PRKCH: variants seen among roughly 807,000 people sequenced by gnomAD.
PRKCH encodes the protein protein kinase C eta type.
Under a neutral mutation model 82.5 loss-of-function variants are expected in PRKCH, and 28 were observed. The observed-to-expected ratio is 0.34, with a 90% confidence interval of 0.25 to 0.47. The LOEUF (loss-of-function observed/expected upper bound fraction) is 0.47. Among genes scored for constraint, PRKCH ranks in the 20% least tolerant of loss-of-function variants. PRKCH has a pLI of 1.00. For missense variants in PRKCH, 705 were observed against 881.8 expected (o/e 0.80, Z 2.54); for synonymous variants, 322 against 327.4 (o/e 0.98, Z 0.18).
chr14:61,488,515 A>G (rs1037903161), intron 10 of PRKCH, among the ~76,000 whole-genome samples: 1 of 152,226 alleles, frequency 6.6e-6, no homozygotes, highest in Non-Finnish European at 1.5e-5. Flanking sequence ...AATTCAAACC[A>G]TGGTTCTAAC....
intron 1 of PRKCH, among the ~76,000 whole-genome samples, chr14:61,226,573 G>C (rs7148117): frequency 0.96 from 146,321 of 152,318 alleles, 70,393 homozygotes; most frequent in East Asian, 0.99. Flanking sequence ...GCTCCTTTTG[G>C]TTTCCTTAAT....
chr14:61,350,722 G>A (rs903409590), intron 1 of PRKCH, among the ~76,000 whole-genome samples: 1 of 152,112 alleles, frequency 6.6e-6, no homozygotes, highest in African/African-American at 2.4e-5. Context: ...GGGCAGGATC[G>A]GTGCATGTAG....
At chr14:61,237,444 T>A (rs1342710785) in intron 1 of PRKCH, among the ~76,000 whole-genome samples, 1 of 152,196 alleles carries the variant, frequency 6.6e-6, no homozygotes, top group Non-Finnish European at 1.5e-5. Context: ...CAGGTCTTCA[T>A]CCTGATCGAG....
In PRKCH at chr14:61,450,982, G is replaced by T. The variant is rs372642715; in HGVS notation, c.832+11G>T. 43 of 1,613,260 alleles carry T rather than the reference G, an allele frequency of 2.7e-5. No homozygotes were observed. The highest frequency in any genetic ancestry group is 3.3e-5 in the Admixed American group (2 of 59,900). On this transcript the variant is annotated intron_variant, in intron 6 of 13. Transcript: ENST00000332981. ...GACTTCAGTGTAAAAGTGAGATGCTGAGGTGCTGGGTACCCACCTCTTCAT... is the reference window on the plus strand; with the variant it reads ...GACTTCAGTGTAAAAGTGAGATGCTTAGGTGCTGGGTACCCACCTCTTCAT...
At chr14:61,319,103 C>A (rs1273916476), upstream of PRKCH, among the ~76,000 whole-genome samples, 1 of 152,186 alleles carries the variant, frequency 6.6e-6, no homozygotes, top group Non-Finnish European at 1.5e-5. Context: ...CTGTGATCTA[C>A]CAGTCTGGTC....
intron 1 of PRKCH, among the ~76,000 whole-genome samples, chr14:61,236,728 A>AG (rs1240195292): frequency 1.3e-5 from 2 of 148,654 alleles, no homozygotes; most frequent in East Asian, 2.0e-4. Context: ...AAAAAAAAAA[A>AG]AAAGAAAAGA....
At chr14:61,472,489 C>T (rs879629990) in intron 9 of PRKCH, among the ~76,000 whole-genome samples, 2 of 152,166 alleles carry the variant, frequency 1.3e-5, no homozygotes, top group Non-Finnish European at 2.9e-5. Flanking sequence ...GGAAAACGTG[C>T]TGATAGCAAT....
intron 1 of PRKCH, among the ~76,000 whole-genome samples, chr14:61,330,944 G>A (rs1406783301): frequency 3.8e-5 from 3 of 78,866 alleles, no homozygotes; most frequent in African/African-American, 1.2e-4. Flanking sequence ...ACTAACGATA[G>A]CTGATGAGCT....
At chr14:61,379,591 A>T (rs2046471223) in intron 1 of PRKCH, among the ~76,000 whole-genome samples, 1 of 152,154 alleles carries the variant, frequency 6.6e-6, no homozygotes, top group Non-Finnish European at 1.5e-5. Context: ...CGGTTAGTTT[A>T]TATCTTGTTT....
At chr14:61,363,656 C>T (rs569894995) in intron 1 of PRKCH, among the ~76,000 whole-genome samples, 38 of 152,096 alleles carry the variant, frequency 2.5e-4, no homozygotes, top group Admixed American at 8.5e-4. Context: ...GGGAAGATGG[C>T]GTCTGGAGAT....
chr14:61,485,787 G>T lies in PRKCH; in HGVS notation c.1433+131G>T, dbSNP rs948410234. 28 of 1,324,642 alleles carry T rather than the reference G, an allele frequency of 2.1e-5. No individual in the cohort carries two copies. The East Asian group carries it at 2.6e-4, about 12-fold the overall frequency. The allele number at this position is 1,324,642 out of a possible 1,614,324, so 82.1% of individuals were successfully genotyped here. On this transcript the variant is annotated intron_variant, in intron 10 of 13. Coordinates refer to ENST00000332981, the MANE Select transcript of PRKCH (RefSeq NM_006255.5). ...ATTAAATTCACAGAAGTTTTGTTTT[G>T]GTTTTTGTTTTTGAGACAGGGTCTC...
At chr14:61,279,774 A>G in intron 1 of PRKCH, 1 of 294,902 alleles carries the variant, frequency 3.4e-6, no homozygotes. Context: ...TTCCTCTAAT[A>G]GGGGTTTAAT....
At chr14:61,406,215 G>A (rs529301280) in intron 2 of PRKCH, among the ~76,000 whole-genome samples, 2 of 149,920 alleles carry the variant, frequency 1.3e-5, no homozygotes, top group East Asian at 3.9e-4. Context: ...AATGTACAGG[G>A]GAGTGTATTG....
At chr14:61,385,366 GA>G (rs5809092) in intron 1 of PRKCH, among the ~76,000 whole-genome samples, 15,278 of 148,598 alleles carry the variant, frequency 0.1, 1,172 homozygotes, top group East Asian at 0.22. Context: ...AAATATTGCA[GA>G]AAAAAAAAAT....
chr14:61,238,942 G>A (rs1205176324), intron 1 of PRKCH, among the ~76,000 whole-genome samples: 1 of 152,214 alleles, frequency 6.6e-6, no homozygotes, highest in African/African-American at 2.4e-5. Context: ...TTCATCAGGT[G>A]AATATCCCAG....
At chr14:61,281,945 T>C (rs1312070993) in intron 1 of PRKCH, 1 of 145,222 alleles carries the variant, frequency 6.9e-6, no homozygotes, top group Non-Finnish European at 1.5e-5. Context: ...TCTGGCTGTA[T>C]AACTAGGAAA....
chr14:61,342,615 AGT>A (rs2045942848), intron 1 of PRKCH, among the ~76,000 whole-genome samples: 1 of 152,162 alleles, frequency 6.6e-6, no homozygotes, highest in South Asian at 2.1e-4. Flanking sequence ...TTGCACTGTA[AGT>A]GTTTCCACAG....
At chr14:61,369,558 A>G (rs1363822061) in intron 1 of PRKCH, among the ~76,000 whole-genome samples, 2 of 152,008 alleles carry the variant, frequency 1.3e-5, no homozygotes, top group Non-Finnish European at 2.9e-5. Flanking sequence ...TTGATTTCCT[A>G]TTTCATTTTC....
chr14:61,207,029 C>T (rs1480932173), intron 1 of PRKCH, among the ~76,000 whole-genome samples: 1 of 146,706 alleles, frequency 6.8e-6, no homozygotes, highest in African/African-American at 2.5e-5. Flanking sequence ...TCGCTTGAAC[C>T]CAGCAGGTGC....
Sources: gnomAD v4.1 joint callset for allele counts (sites outside exome capture counted in the v4.1 genomes callset) on GRCh38, gnomAD v4.1.1 for gene constraint, MANE v1.5 for transcripts, NCBI Gene and HGNC (gene_info 2026-07-23, HGNC 2026-07-21) for gene names.